The following ZNF479 variants were observed in gnomAD, a reference collection of about 807,000 sequenced individuals.
ZNF479 encodes KRAB zinc finger protein KR19.
In ZNF479, 15 loss-of-function variants were observed where a neutral mutation model predicts 14.7. The observed-to-expected ratio is 1.02, with a 90% CI of 0.68 to 1.57. ZNF479 has a LOEUF of 1.57. Among genes scored for constraint, ZNF479 ranks in the 40% most tolerant of loss-of-function variants. The pLI, the probability that ZNF479 is intolerant of heterozygous loss-of-function variation, is 0.00. For synonymous variants in ZNF479, 145 were observed against 211.5 expected (o/e 0.69, Z 2.73); for missense variants, 506 against 615.1 (o/e 0.82, Z 1.88).
At chr7:57,131,495 A>G (rs1288039531) in intron 1 of ZNF479, among the ~76,000 whole-genome samples, 4 of 151,176 alleles carry the variant, frequency 2.6e-5, no homozygotes, top group Middle Eastern at 3.4e-3. Flanking sequence ...CCTGGGAGGC[A>G]GAGGTTGTAA....
In ZNF479 at chr7:57,118,355, C is replaced by T. The variant is rs1785768531; in HGVS notation, c.*1485G>A. 6.6e-6 allele frequency among the ~76,000 whole-genome samples: 1 copy of T among 152,116 alleles called. No individual in the cohort carries two copies. The highest frequency in any genetic ancestry group is 2.4e-5 in the African/African-American group (1 of 41,438). On this transcript the variant is annotated 3_prime_UTR_variant, in exon 4 of 4. Coordinates refer to ENST00000319636, the MANE Select transcript of ZNF479 (RefSeq NM_001370129.2). ...TAAAGGCCTATATTTTCCAAAAGGT[C>T]TTTTTACAGTAATCACATTTATAAT...
intron 3 of ZNF479, among the ~76,000 whole-genome samples, chr7:57,124,577 A>G (rs1786077479): frequency 6.6e-6 from 1 of 152,242 alleles, no homozygotes; most frequent in Non-Finnish European, 1.5e-5. Flanking sequence ...CATCAAATGC[A>G]TGTGCAACAA....
At position 57,132,214 on chromosome 7, in the gene ZNF479, C is replaced by T. The variant is rs377043348; in HGVS notation, c.39+72G>A. On this transcript the variant is annotated intron_variant, in intron 1 of 3. Coordinates refer to ENST00000319636, the MANE Select transcript of ZNF479 (RefSeq NM_001370129.2). The stretch of plus-strand genomic sequence containing the variant: ...AACTGACTGCAAGAAAGTCTGGGAC[C>T]TGCTACAGCCACTTTCTGCCGGTTC... 4.9e-3 allele frequency: 7,930 copies of T among 1,613,214 alleles called. 24 individuals are homozygous for T. The highest frequency in any genetic ancestry group is 6.1e-3 in the Non-Finnish European group (7,232 of 1,179,668).
chr7:57,138,255 A>G (rs1583955869), intron 1 of ZNF479, among the ~76,000 whole-genome samples: 2 of 152,284 alleles, frequency 1.3e-5, no homozygotes, highest in African/African-American at 4.8e-5. Context: ...GCTTAGAAAA[A>G]CAGGCAATGA....
At chr7:57,132,722 T>G (rs1322662735), upstream of ZNF479, among the ~76,000 whole-genome samples, 1 of 152,228 alleles carries the variant, frequency 6.6e-6, no homozygotes, top group Non-Finnish European at 1.5e-5. Flanking sequence ...ATATATAATA[T>G]TTATTCATAA....
intron 1 of ZNF479, among the ~76,000 whole-genome samples, chr7:57,131,122 G>A (rs1786399276): frequency 1.3e-5 from 2 of 152,156 alleles, no homozygotes; most frequent in African/African-American, 2.4e-5. Flanking sequence ...TAGAGGATCA[G>A]AGGATGAAGA....
chr7:57,133,454 A>G (rs73353112), upstream of ZNF479, among the ~76,000 whole-genome samples: 3,001 of 152,284 alleles, frequency 0.02, 104 homozygotes, highest in African/African-American at 0.068. Flanking sequence ...TAGCAGTGTG[A>G]AAATGGACTA....
intron 3 of ZNF479, among the ~76,000 whole-genome samples, chr7:57,124,387 A>G (rs1486100310): frequency 6.6e-6 from 1 of 152,254 alleles, no homozygotes; most frequent in Non-Finnish European, 1.5e-5. Flanking sequence ...TCCCTTCAAC[A>G]GCTAATGTTG....
At chr7:57,132,655 A>T (rs192387797), upstream of ZNF479, among the ~76,000 whole-genome samples, 1 of 152,240 alleles carries the variant, frequency 6.6e-6, no homozygotes, top group African/African-American at 2.4e-5. Flanking sequence ...AGCCAGGCCA[A>T]CTTCAGAGGA....
chr7:57,121,257 A>G (rs1332128540), intron 3 of ZNF479, 105 bp from the exon 4 acceptor site: 25 of 1,184,462 alleles, frequency 2.1e-5, no homozygotes, highest in Non-Finnish European at 2.8e-5. Context: ...GCAAAATGCC[A>G]TATCAAAATA....
At chr7:57,124,686 C>T (rs190585020) in intron 3 of ZNF479, among the ~76,000 whole-genome samples, 233 of 152,196 alleles carry the variant, frequency 1.5e-3, no homozygotes, top group East Asian at 5.8e-3. Context: ...AAATCGGTGA[C>T]AATATTTGAA....
chr7:57,135,451 C>G (rs559311030), upstream of ZNF479, among the ~76,000 whole-genome samples: 11 of 152,180 alleles, frequency 7.2e-5, no homozygotes, highest in Admixed American at 4.6e-4. Flanking sequence ...TCACTCTTGT[C>G]GCTCAGGCTG....
At chr7:57,122,694 A>T (rs1554400822) in intron 3 of ZNF479, among the ~76,000 whole-genome samples, 1 of 152,194 alleles carries the variant, frequency 6.6e-6, no homozygotes, top group East Asian at 1.9e-4. Context: ...AACATTTAAG[A>T]TGTTTTACAG....
chr7:57,132,332 C>T lies in ZNF479; in HGVS notation c.-8G>A, dbSNP rs370644020. ...TCCTGGTCTTTTAGCCATAAATCTG[C>T]AGATACCTGCAGGACACAAGGACAC... On this transcript the variant is annotated 5_prime_UTR_variant, in exon 1 of 4. Transcript: ENST00000319636. 1.2e-4 allele frequency: 193 copies of T among 1,613,978 alleles called. No homozygotes were observed. Among genetic ancestry groups the T allele is most frequent in the Non-Finnish European group, 1.5e-4 (177 of 1,180,012 alleles).
At chr7:57,124,194 G>C (rs560074270) in intron 3 of ZNF479, among the ~76,000 whole-genome samples, 10 of 151,734 alleles carry the variant, frequency 6.6e-5, no homozygotes, top group African/African-American at 2.4e-4. Context: ...AAACACAGAG[G>C]CACTATACTT....
At chr7:57,131,989 C>A (rs369284287) in intron 1 of ZNF479, among the ~76,000 whole-genome samples, 86 of 152,280 alleles carry the variant, frequency 5.6e-4, no homozygotes, top group Non-Finnish European at 1.0e-3. Flanking sequence ...TGATGACTTT[C>A]CTATCCCTGT....
upstream of ZNF479, among the ~76,000 whole-genome samples, chr7:57,135,331 C>G (rs935330548): frequency 2.0e-5 from 3 of 152,172 alleles, no homozygotes; most frequent in Non-Finnish European, 4.4e-5. Context: ...TTAGAGGCCC[C>G]TCTCAGTAAA....
upstream of ZNF479, among the ~76,000 whole-genome samples, chr7:57,133,024 C>G (rs1458233303): frequency 7.2e-5 from 11 of 152,110 alleles, no homozygotes; most frequent in Admixed American, 6.5e-4. Flanking sequence ...GTCCCGGCTA[C>G]TCGGGAGACT....
rs777087248 is a variant in ZNF479, at chr7:57,132,267, T to A, written c.39+19A>T. ...ATCAGCCCCCACCCCTCTCTCACGA[T>A]GACAGACCCAGCACTCACCATTTCT... is the stretch of plus-strand genomic sequence containing the variant. On this transcript the variant is annotated intron_variant, in intron 1 of 3. Transcript: ENST00000319636. 6.2e-7 allele frequency: 1 copy of A among 1,614,016 alleles called. No homozygotes were observed. The highest frequency in any genetic ancestry group is 2.2e-5 in the East Asian group (1 of 44,870).
Sources: allele counts gnomAD v4.1 joint callset (sites outside exome capture counted in the v4.1 genomes callset), GRCh38; gene constraint gnomAD v4.1.1; transcripts MANE v1.5; gene names NCBI Gene and HGNC (gene_info 2026-07-23, HGNC 2026-07-21).